Variants in AFAP1L2 observed in about 807,000 individuals in gnomAD.
AFAP1L2 encodes actin filament-associated protein 1-like 2.
In AFAP1L2, 46 loss-of-function variants were observed where a neutral mutation model predicts 99.3. That is an observed-to-expected ratio of 0.46 (90% confidence interval 0.37 to 0.59). The LOEUF (loss-of-function observed/expected upper bound fraction) is 0.59, where lower values mean the gene tolerates loss of function less well. Ranked by LOEUF, AFAP1L2 falls within the 20% of genes least tolerant of loss-of-function variation. The pLI is 0.00. For synonymous variants in AFAP1L2, 397 were observed against 419.1 expected (o/e 0.95, Z 0.64); for missense variants, 959 against 1,034.9 (o/e 0.93, Z 1.01).
chr10:114,333,318 G>C, intron 2 of AFAP1L2, 23 bp from the exon 3 acceptor site: 2 of 1,600,982 alleles, frequency 1.2e-6, no homozygotes, highest in South Asian at 2.2e-5. Flanking sequence ...GGAGACACAG[G>C]CTTTGTGTGA....
chr10:114,360,537 A>T (rs377246016), intron 1 of AFAP1L2, among the ~76,000 whole-genome samples: 1 of 149,410 alleles, frequency 6.7e-6, no homozygotes, highest in African/African-American at 2.5e-5. Context: ...AGATAGATAG[A>T]TAGATAGATA....
intron 1 of AFAP1L2, among the ~76,000 whole-genome samples, chr10:114,369,535 C>T (rs950204214): frequency 4.9e-5 from 7 of 143,444 alleles, no homozygotes; most frequent in South Asian, 2.2e-4. Flanking sequence ...GCGGAGCTTG[C>T]AGTGAGCCGA....
chr10:114,314,399 C>T lies in AFAP1L2; in HGVS notation c.613-349G>A, dbSNP rs755715249. ...CGTTCAGTTCTCCAAAGTGGACAGA[C>T]TTTCACTGTTTCTCCACCTCTCTGT... On this transcript the variant is annotated intron_variant, in intron 6 of 18. Transcript: ENST00000304129. 2.0e-5 allele frequency among the ~76,000 whole-genome samples: 3 copies of T among 152,230 alleles called. No homozygotes were observed. The East Asian group carries it at 5.8e-4, about 29-fold the overall frequency.
intron 1 of AFAP1L2, among the ~76,000 whole-genome samples, chr10:114,362,704 C>T (rs554566889): frequency 6.6e-6 from 1 of 152,286 alleles, no homozygotes; most frequent in South Asian, 2.1e-4. Context: ...TAATACACCC[C>T]CATCAACTCA....
In AFAP1L2 at chr10:114,295,358, T is replaced by TAAAG. The variant is rs2040045034; in HGVS notation, c.*680_*683dup. 1.1e-5 allele frequency: 11 copies of TAAAG among 985,642 alleles called. No individual in the cohort carries two copies. The highest frequency in any genetic ancestry group is 1.3e-5 in the Non-Finnish European group (11 of 829,718). 61.1% of individuals were successfully genotyped at this position (985,642 alleles called of 1,614,324 possible). On this transcript the variant is annotated 3_prime_UTR_variant, in exon 19 of 19. Coordinates refer to ENST00000304129, the MANE Select transcript of AFAP1L2 (RefSeq NM_001001936.3). ...ATACAGCATCACTTAAAATTTTATT[T>TAAAG]AAAGACAGTTGATTCAGGCCTGCCT... is the stretch of plus-strand genomic sequence containing the variant.
At chr10:114,371,583 T>G (rs1194785919) in intron 1 of AFAP1L2, among the ~76,000 whole-genome samples, 1 of 152,050 alleles carries the variant, frequency 6.6e-6, no homozygotes, top group African/African-American at 2.4e-5. Flanking sequence ...ACACCGCATG[T>G]TCTCACTCAT....
downstream of AFAP1L2, among the ~76,000 whole-genome samples, chr10:114,293,207 T>G (rs989541683): frequency 3.3e-5 from 5 of 152,206 alleles, no homozygotes; most frequent in Non-Finnish European, 1.5e-5. Flanking sequence ...TTGATAACTT[T>G]GTTATTATGC....
chr10:114,321,277 AG>A (rs1384146332), intron 5 of AFAP1L2, among the ~76,000 whole-genome samples: 1 of 151,814 alleles, frequency 6.6e-6, no homozygotes, highest in African/African-American at 2.4e-5. Flanking sequence ...TTCCCCCGCT[AG>A]TCCCCAAAGT....
intron 16 of AFAP1L2, among the ~76,000 whole-genome samples, chr10:114,298,488 A>AT (rs1197436655): frequency 1.3e-5 from 2 of 152,144 alleles, no homozygotes; most frequent in Non-Finnish European, 2.9e-5. Flanking sequence ...CACCTCTACA[A>AT]TTTAAATAAG....
chr10:114,285,797 C>T, the AFAP1L2 span: 25 of 880,642 alleles, frequency 2.8e-5, no homozygotes, highest in African/African-American at 1.2e-4. Context: ...AACTCTGTGA[C>T]GAGCACGGGT....
At chr10:114,341,574 C>T (rs1293658280) in intron 1 of AFAP1L2, among the ~76,000 whole-genome samples, 2 of 149,530 alleles carry the variant, frequency 1.3e-5, no homozygotes, top group Admixed American at 1.4e-4. Flanking sequence ...GATCACACCA[C>T]TTCACTCCAG....
At chr10:114,405,041 C>T (rs532923887), upstream of AFAP1L2, among the ~76,000 whole-genome samples, 81 of 152,330 alleles carry the variant, frequency 5.3e-4, 1 homozygote, top group African/African-American at 1.7e-3. Flanking sequence ...AAACCTGCTC[C>T]GGGTTCTTTG....
chr10:114,287,816 A>T, the AFAP1L2 span, among the ~76,000 whole-genome samples: 1 of 152,236 alleles, frequency 6.6e-6, no homozygotes, highest in Admixed American at 6.5e-5. Context: ...CAGTGTTATC[A>T]TTAATGAACC....
intron 1 of AFAP1L2, among the ~76,000 whole-genome samples, chr10:114,399,643 C>T (rs906972355): frequency 3.3e-5 from 5 of 152,012 alleles, no homozygotes; most frequent in African/African-American, 7.3e-5. Flanking sequence ...GCTCTGGGCT[C>T]GATGAACAAT....
chr10:114,388,059 G>A (rs1306930042), intron 1 of AFAP1L2, among the ~76,000 whole-genome samples: 3 of 152,136 alleles, frequency 2.0e-5, no homozygotes, highest in Non-Finnish European at 1.5e-5. Context: ...GAAAGATGAA[G>A]GAGGATATTA....
chr10:114,380,843 A>C (rs2055512955), intron 1 of AFAP1L2, among the ~76,000 whole-genome samples: 1 of 152,242 alleles, frequency 6.6e-6, no homozygotes, highest in Non-Finnish European at 1.5e-5. Context: ...AAAAGTTTTA[A>C]ACATGACATA....
chr10:114,366,481 C>T (rs573271289), intron 1 of AFAP1L2, among the ~76,000 whole-genome samples: 5 of 152,124 alleles, frequency 3.3e-5, no homozygotes, highest in Admixed American at 6.5e-5. Flanking sequence ...GACCAAAACC[C>T]GAGCCTGAAG....
chr10:114,318,325 G>A (rs563666736), intron 5 of AFAP1L2, among the ~76,000 whole-genome samples: 1 of 152,190 alleles, frequency 6.6e-6, no homozygotes, highest in Non-Finnish European at 1.5e-5. Context: ...CTGTGCTTCT[G>A]GGGTTGCCCC....
chr10:114,316,089 C>A (rs1271238877), intron 5 of AFAP1L2, among the ~76,000 whole-genome samples: 2 of 152,266 alleles, frequency 1.3e-5, no homozygotes. Flanking sequence ...CACAGACCAA[C>A]TGTTTGCTCT....
Sources: gnomAD v4.1 joint callset for allele counts (sites outside exome capture counted in the v4.1 genomes callset) on GRCh38, gnomAD v4.1.1 for gene constraint, MANE v1.5 for transcripts, NCBI Gene and HGNC (gene_info 2026-07-23, HGNC 2026-07-21) for gene names.